The following C13orf42 variants were observed in gnomAD, a reference collection of about 807,000 sequenced individuals.
C13orf42 encodes chromosome 13 open reading frame 42.
intron 1 of C13orf42, among the ~76,000 whole-genome samples, chr13:51,164,396 T>C (rs1042853535): frequency 1.3e-5 from 2 of 152,168 alleles, no homozygotes; most frequent in Non-Finnish European, 2.9e-5. Flanking sequence ...GCACGGTGGC[T>C]CATGCCTGAA....
chr13:51,168,861 C>T (rs1293866946), intron 1 of C13orf42, among the ~76,000 whole-genome samples: 2 of 147,242 alleles, frequency 1.4e-5, no homozygotes, highest in African/African-American at 4.9e-5. Flanking sequence ...TGGCACCTCC[C>T]TGCTCTCTCT....
At position 51,098,130 on chromosome 13, in the gene C13orf42, A is replaced by C. The variant is rs139621223; in HGVS notation, c.415-10055T>G. ...TTCCTTGAGGGCAGTTTCTAATTTT[A>C]TATTATTTATCTTTTTTTTCATTTC... On this transcript the variant is annotated intron_variant, in intron 1 of 3. Coordinates refer to ENST00000563710, the MANE Select transcript of C13orf42 (RefSeq NM_001351589.3). Among the ~76,000 whole-genome samples, 629 of 151,828 alleles carry C rather than the reference A, an allele frequency of 4.1e-3. 5 individuals are homozygous for C. The highest frequency in any genetic ancestry group is 0.015 in the African/African-American group (604 of 41,358).
chr13:51,090,486 C>T (rs1344308346), intron 1 of C13orf42, among the ~76,000 whole-genome samples: 1 of 152,180 alleles, frequency 6.6e-6, no homozygotes, highest in East Asian at 1.9e-4. Flanking sequence ...ATGCAAGGTC[C>T]ATGGTGGTTT....
At chr13:51,090,565 G>A (rs995461983) in intron 1 of C13orf42, among the ~76,000 whole-genome samples, 4 of 152,130 alleles carry the variant, frequency 2.6e-5, no homozygotes, top group African/African-American at 7.2e-5. Flanking sequence ...TGTCATCAGC[G>A]TTTAGCTTAA....
chr13:51,154,934 C>G (rs890564958), intron 1 of C13orf42, among the ~76,000 whole-genome samples: 16 of 152,098 alleles, frequency 1.1e-4, no homozygotes. Flanking sequence ...TTTAAGGGGC[C>G]GGTAAGGTAG....
rs142925060 is a variant in C13orf42, at chr13:51,088,740, A to C, written c.415-665T>G. Among the ~76,000 whole-genome samples, 585 of 152,324 alleles carry C rather than the reference A, an allele frequency of 3.8e-3. 7 individuals are homozygous for C. The highest frequency in any genetic ancestry group is 0.019 in the Admixed American group (295 of 15,300). ...TAAAGATGTTTTCAGTTTCTAAAGG[A>C]ACCAAATTTACACTCAAATCGTGGA... is the stretch of plus-strand genomic sequence containing the variant. On this transcript the variant is annotated intron_variant, in intron 1 of 3. Coordinates refer to ENST00000563710, the MANE Select transcript of C13orf42 (RefSeq NM_001351589.3).
intron 1 of C13orf42, among the ~76,000 whole-genome samples, chr13:51,116,989 C>T (rs1953497294): frequency 6.6e-6 from 1 of 152,180 alleles, no homozygotes; most frequent in Non-Finnish European, 1.5e-5. Flanking sequence ...TTTTCCTGCC[C>T]AATTCTATTG....
In C13orf42 at chr13:51,142,998, T is replaced by C. The variant is rs9888462; in HGVS notation, n.136+29255A>G. ...CAAGTTGTCATATTGTTATTAAGTTTTGGTTTGCTCAGGAAAAAGAATTGA... is the reference window on the plus strand; with the variant it reads ...CAAGTTGTCATATTGTTATTAAGTTCTGGTTTGCTCAGGAAAAAGAATTGA... On this transcript the variant is annotated intron_variant and non_coding_transcript_variant, in intron 1 of 4. Transcript: ENST00000433280. 6.2e-3 allele frequency among the ~76,000 whole-genome samples: 945 copies of C among 152,268 alleles called. 10 individuals carry two copies. Among genetic ancestry groups the C allele is most frequent in the African/African-American group, 0.021 (853 of 41,548 alleles).
chr13:51,143,402 G>A (rs1953711236), intron 1 of C13orf42, among the ~76,000 whole-genome samples: 1 of 152,108 alleles, frequency 6.6e-6, no homozygotes. Flanking sequence ...ACCAGTATAT[G>A]GAGCCCTGTG....
intron 1 of C13orf42, among the ~76,000 whole-genome samples, chr13:51,133,646 A>G (rs557075920): frequency 5.9e-5 from 9 of 152,340 alleles, no homozygotes; most frequent in South Asian, 2.1e-4. Context: ...CACAGCCCCA[A>G]TGGGCCCCAG....
intron 1 of C13orf42, among the ~76,000 whole-genome samples, chr13:51,102,335 G>A (rs1244362279): frequency 6.6e-6 from 1 of 152,148 alleles, no homozygotes; most frequent in Non-Finnish European, 1.5e-5. Flanking sequence ...CAGACAATTT[G>A]GAGTCTTTTT....
At chr13:51,106,494 C>T (rs994909037) in intron 1 of C13orf42, among the ~76,000 whole-genome samples, 6 of 152,208 alleles carry the variant, frequency 3.9e-5, no homozygotes, top group African/African-American at 1.4e-4. Flanking sequence ...TGGCACGATA[C>T]AGATTGGGAT....
In C13orf42 at chr13:51,158,624, G is replaced by T. The variant is rs1299035341; in HGVS notation, n.136+13629C>A. 2.6e-5 allele frequency among the ~76,000 whole-genome samples: 4 copies of T among 152,204 alleles called. No individual in the cohort carries two copies. In the East Asian group the frequency reaches 7.7e-4, roughly 29 times the overall value. On this transcript the variant is annotated intron_variant and non_coding_transcript_variant, in intron 1 of 4. Coordinates refer to the C13orf42 transcript ENST00000433280. ...TGCACTTTGTAGGCCTTCCAGCAGG[G>T]TCTGTCTCTGGCCTGAAGGTCCCAC...
In C13orf42 at chr13:51,131,168, A is replaced by G. The variant is rs151044099; in HGVS notation, n.137-17946T>C. 4.3e-4 allele frequency among the ~76,000 whole-genome samples: 66 copies of G among 152,328 alleles called. No individual in the cohort carries two copies. In the East Asian group the frequency reaches 0.011, roughly 26 times the overall value. On this transcript the variant is annotated intron_variant and non_coding_transcript_variant, in intron 1 of 4. Coordinates refer to the C13orf42 transcript ENST00000433280. ...CTTAAGCTATTTACAGCTTTTGACAATTAAGTAAATTATACTCCTGTGAAC... is the reference window on the plus strand; with the variant it reads ...CTTAAGCTATTTACAGCTTTTGACAGTTAAGTAAATTATACTCCTGTGAAC...
intron 1 of C13orf42, among the ~76,000 whole-genome samples, chr13:51,120,277 A>T (rs1464847717): frequency 6.6e-6 from 1 of 152,070 alleles, no homozygotes; most frequent in Non-Finnish European, 1.5e-5. Flanking sequence ...AGAGATGGGG[A>T]CATTTAGAAG....
intron 1 of C13orf42, among the ~76,000 whole-genome samples, chr13:51,168,863 G>GCT (rs1039242335): frequency 6.8e-6 from 1 of 146,688 alleles, no homozygotes; most frequent in Admixed American, 6.9e-5. Flanking sequence ...GCACCTCCCT[G>GCT]CTCTCTCTCT....
At chr13:51,139,846 C>T (rs921057031) in intron 1 of C13orf42, among the ~76,000 whole-genome samples, 2 of 152,194 alleles carry the variant, frequency 1.3e-5, no homozygotes, top group Non-Finnish European at 2.9e-5. Context: ...AGCTGCTCTG[C>T]CTATGGACTA....
chr13:51,087,180 G>A (rs1953137127), intron 2 of C13orf42, among the ~76,000 whole-genome samples: 1 of 152,192 alleles, frequency 6.6e-6, no homozygotes, highest in Non-Finnish European at 1.5e-5. Flanking sequence ...TGATGAATGT[G>A]TTTGGATTCT....
At chr13:51,168,258 T>C (rs1343487280) in intron 1 of C13orf42, among the ~76,000 whole-genome samples, 1 of 152,206 alleles carries the variant, frequency 6.6e-6, no homozygotes, top group Non-Finnish European at 1.5e-5. Flanking sequence ...TAAACCTAGT[T>C]TAGACTGTCA....
Sources: allele counts gnomAD v4.1 joint callset (sites outside exome capture counted in the v4.1 genomes callset), GRCh38; gene constraint gnomAD v4.1.1; transcripts MANE v1.5; gene names NCBI Gene and HGNC (gene_info 2026-07-23, HGNC 2026-07-21).